KCNIP4: variants seen among roughly 807,000 people sequenced by gnomAD.
KCNIP4 encodes potassium voltage-gated channel interacting protein 4.
KCNIP4 carries 12 observed loss-of-function variants against 34.0 expected under a neutral mutation model. The ratio of observed to expected loss-of-function variants is 0.35; its 90% CI spans 0.23 to 0.57. KCNIP4 has a LOEUF of 0.57. KCNIP4 is among the 20% of genes least tolerant of loss of function. KCNIP4 has a pLI of 0.83. For missense variants in KCNIP4, 238 were observed against 311.7 expected, an observed-to-expected ratio of 0.76 and a Z score of 1.78; for synonymous variants, 124 against 102.2, an observed-to-expected ratio of 1.21 and a Z score of -1.29.
intron 1 of KCNIP4, among the ~76,000 whole-genome samples, chr4:21,047,191 T>G (rs1435337338): frequency 6.6e-6 from 1 of 152,246 alleles, no homozygotes; most frequent in Non-Finnish European, 1.5e-5. Flanking sequence ...GCATCCCTTT[T>G]TCAAAGGCTT....
At chr4:20,996,769 T>A (rs1255197591) in intron 1 of KCNIP4, among the ~76,000 whole-genome samples, 1 of 151,950 alleles carries the variant, frequency 6.6e-6, no homozygotes, top group African/African-American at 2.4e-5. Context: ...GAACTTCTTT[T>A]TTTTAAATGC....
At chr4:21,110,372 G>A (rs1325630276) in intron 1 of KCNIP4, among the ~76,000 whole-genome samples, 2 of 152,172 alleles carry the variant, frequency 1.3e-5, no homozygotes, top group Non-Finnish European at 2.9e-5. Flanking sequence ...GGGCCAAATG[G>A]TGCTGTGGCT....
chr4:21,808,592 G>T (rs527517612), intron 1 of KCNIP4, among the ~76,000 whole-genome samples: 100 of 152,166 alleles, frequency 6.6e-4, no homozygotes, highest in African/African-American at 2.2e-3. Context: ...GTTTTGAGGG[G>T]GAGTCAAAAC....
chr4:21,419,082 A>G (rs1021632858), intron 1 of KCNIP4, among the ~76,000 whole-genome samples: 3 of 152,184 alleles, frequency 2.0e-5, no homozygotes, highest in Admixed American at 6.5e-5. Flanking sequence ...TGCACTATGC[A>G]TGGAATACGA....
chr4:21,467,104 A>ACACG (rs1730042039), intron 1 of KCNIP4, among the ~76,000 whole-genome samples: 1 of 148,978 alleles, frequency 6.7e-6, no homozygotes, highest in Non-Finnish European at 1.5e-5. Context: ...ACACACACAC[A>ACACG]CACACACACA....
At chr4:21,098,130 G>A (rs914915600) in intron 1 of KCNIP4, among the ~76,000 whole-genome samples, 1 of 152,162 alleles carries the variant, frequency 6.6e-6, no homozygotes, top group Non-Finnish European at 1.5e-5. Context: ...TCACTTCTAT[G>A]AAGGCTAAGA....
chr4:21,788,131 T>C (rs979296954), intron 1 of KCNIP4, among the ~76,000 whole-genome samples: 1 of 152,134 alleles, frequency 6.6e-6, no homozygotes, highest in African/African-American at 2.4e-5. Flanking sequence ...TAAACCACAC[T>C]GGACATTTCA....
At chr4:21,875,157 G>A (rs561521993) in intron 1 of KCNIP4, among the ~76,000 whole-genome samples, 1 of 152,242 alleles carries the variant, frequency 6.6e-6, no homozygotes, top group South Asian at 2.1e-4. Flanking sequence ...CTTAAACAAG[G>A]TCACAGAGCT....
chr4:20,835,408 C>A (rs1366713235), intron 3 of KCNIP4, among the ~76,000 whole-genome samples: 1 of 152,018 alleles, frequency 6.6e-6, no homozygotes, highest in Non-Finnish European at 1.5e-5. Flanking sequence ...GCTGTGACCT[C>A]GGAGAGGTCA....
chr4:21,775,680 C>G (rs1719126222), intron 1 of KCNIP4, among the ~76,000 whole-genome samples: 1 of 152,120 alleles, frequency 6.6e-6, no homozygotes, highest in African/African-American at 2.4e-5. Context: ...GGAGATCCTG[C>G]AGAGAAGCCT....
At chr4:21,027,730 A>C (rs1241938708) in intron 1 of KCNIP4, among the ~76,000 whole-genome samples, 1 of 152,022 alleles carries the variant, frequency 6.6e-6, no homozygotes, top group Non-Finnish European at 1.5e-5. Flanking sequence ...AGAAGTAGAG[A>C]AAACATTAAT....
At chr4:21,546,372 CTT>C (rs1452164746) in intron 1 of KCNIP4, among the ~76,000 whole-genome samples, 8 of 152,018 alleles carry the variant, frequency 5.3e-5, no homozygotes, top group Non-Finnish European at 1.2e-4. Flanking sequence ...AAAGTTGACT[CTT>C]CACAGGGAGT....
intron 3 of KCNIP4, among the ~76,000 whole-genome samples, chr4:20,772,457 C>T (rs1425678292): frequency 6.6e-6 from 1 of 152,050 alleles, no homozygotes; most frequent in Non-Finnish European, 1.5e-5. Context: ...CAGGGCAAAG[C>T]AGCATGAAAA....
intron 1 of KCNIP4, among the ~76,000 whole-genome samples, chr4:21,235,664 A>G (rs1759305155): frequency 6.6e-6 from 1 of 152,120 alleles, no homozygotes; most frequent in Non-Finnish European, 1.5e-5. Context: ...ATAAACTGTC[A>G]GCTTATTTGG....
intron 3 of KCNIP4, among the ~76,000 whole-genome samples, chr4:20,790,865 T>G (rs1402500545): frequency 2.6e-5 from 4 of 152,186 alleles, no homozygotes; most frequent in Admixed American, 2.6e-4. Context: ...AAGTGCCATT[T>G]GGATTATTTT....
chr4:21,090,308 A>T (rs1461464476), intron 1 of KCNIP4, among the ~76,000 whole-genome samples: 1 of 152,218 alleles, frequency 6.6e-6, no homozygotes, highest in African/African-American at 2.4e-5. Context: ...TGACACAGAT[A>T]GATTATTTAT....
chr4:21,194,375 C>T (rs1262721502), intron 1 of KCNIP4, among the ~76,000 whole-genome samples: 1 of 152,134 alleles, frequency 6.6e-6, no homozygotes, highest in African/African-American at 2.4e-5. Flanking sequence ...TGACGATTGG[C>T]CATCACTTAA....
chr4:20,947,487 G>A (rs2149632060), intron 1 of KCNIP4, among the ~76,000 whole-genome samples: 1 of 152,282 alleles, frequency 6.6e-6, no homozygotes, highest in East Asian at 1.9e-4. Flanking sequence ...TAGTTGTTAA[G>A]CCCTCACCAA....
chr4:21,455,220 G>A (rs923253011), intron 1 of KCNIP4, among the ~76,000 whole-genome samples: 1 of 152,034 alleles, frequency 6.6e-6, no homozygotes, highest in Non-Finnish European at 1.5e-5. Context: ...ATAACAAATT[G>A]TGCTGTCCTC....
Sources: allele counts gnomAD v4.1 joint callset (sites outside exome capture counted in the v4.1 genomes callset), GRCh38; gene constraint gnomAD v4.1.1; transcripts MANE v1.5; gene names NCBI Gene and HGNC (gene_info 2026-07-23, HGNC 2026-07-21).